PRKCA: variants seen among roughly 807,000 people sequenced by gnomAD.
The protein encoded by PRKCA is protein kinase C alpha, also known as protein kinase C alpha type.
In PRKCA, 27 loss-of-function variants were observed where a neutral mutation model predicts 87.0. The observed-to-expected ratio is 0.31, with a 90% CI of 0.23 to 0.43. The LOEUF is 0.43. PRKCA is among the 20% of genes least tolerant of loss of function. The pLI is 1.00. For synonymous variants in PRKCA, 329 were observed against 311.1 expected, an observed-to-expected ratio of 1.06 and a Z score of -0.61; for missense variants, 518 against 852.3, an observed-to-expected ratio of 0.61 and a Z score of 4.88.
intron 3 of PRKCA, among the ~76,000 whole-genome samples, chr17:66,570,911 C>T (rs1023902828): frequency 1.3e-5 from 2 of 152,100 alleles, no homozygotes; most frequent in African/African-American, 4.8e-5. Flanking sequence ...TCCGTGGGTA[C>T]CTCCTCCTGA....
At chr17:66,479,315 C>T (rs1427050120) in intron 2 of PRKCA, among the ~76,000 whole-genome samples, 6 of 152,150 alleles carry the variant, frequency 3.9e-5, no homozygotes, top group Non-Finnish European at 8.8e-5. Flanking sequence ...TACCATCTCA[C>T]ACCAGTCAGA....
At chr17:66,551,239 C>G (rs1479222281) in intron 3 of PRKCA, among the ~76,000 whole-genome samples, 3 of 152,120 alleles carry the variant, frequency 2.0e-5, no homozygotes, top group Non-Finnish European at 4.4e-5. Context: ...ATTTTTTATA[C>G]TTTTCCGTAG....
intron 2 of PRKCA, among the ~76,000 whole-genome samples, chr17:66,431,234 T>C (rs9912570): frequency 6.6e-6 from 1 of 152,188 alleles, no homozygotes; most frequent in Non-Finnish European, 1.5e-5. Flanking sequence ...TTTGATACTT[T>C]TAGATATTTC....
In PRKCA at chr17:66,735,585, A is replaced by G; in HGVS notation, c.1153A>G (p.Met385Val). The change falls in exon 10 of 17, where the codon ATG becomes GTG. Residue 385 changes from methionine (M) to valine (V), a missense_variant. Transcript: ENST00000413366. Reference sequence around the variant, plus strand: ...TCAGGATGATGACGTGGAGTGCACCATGGTAGAAAAGCGAGTCTTGGCCCT... The same window carrying G: ...TCAGGATGATGACGTGGAGTGCACCGTGGTAGAAAAGCGAGTCTTGGCCCT... ...VIQDDDVECT[M>V]VEKRVLALLD... 1.9e-6 allele frequency: 3 copies of G among 1,614,180 alleles called. No individual in the cohort carries two copies. The highest frequency in any genetic ancestry group is 2.5e-6 in the Non-Finnish European group (3 of 1,180,034).
At chr17:66,756,433 C>T (rs911030987) in intron 13 of PRKCA, among the ~76,000 whole-genome samples, 1 of 152,006 alleles carries the variant, frequency 6.6e-6, no homozygotes. Context: ...ATCGTCGGAC[C>T]GTAGCACACT....
chr17:66,520,169 C>T (rs1967111120), intron 3 of PRKCA, among the ~76,000 whole-genome samples: 1 of 149,644 alleles, frequency 6.7e-6, no homozygotes, highest in Non-Finnish European at 1.5e-5. Flanking sequence ...CTCTGTCACC[C>T]AGGCTGGAGT....
intron 3 of PRKCA, among the ~76,000 whole-genome samples, chr17:66,620,550 A>G (rs1294346696): frequency 6.6e-6 from 1 of 152,226 alleles, no homozygotes; most frequent in Non-Finnish European, 1.5e-5. Flanking sequence ...TTAGCTAAAC[A>G]TGTCATTTCA....
chr17:66,780,026 G>A (rs1598937321), intron 14 of PRKCA, among the ~76,000 whole-genome samples: 1 of 152,348 alleles, frequency 6.6e-6, no homozygotes, highest in East Asian at 1.9e-4. Flanking sequence ...GCCAGGGCCT[G>A]AGAGCGAGTG....
At chr17:66,607,408 G>A (rs1337912304) in intron 3 of PRKCA, among the ~76,000 whole-genome samples, 1 of 152,202 alleles carries the variant, frequency 6.6e-6, no homozygotes, top group African/African-American at 2.4e-5. Context: ...TTGAGGGGAA[G>A]AGACATGGAT....
At chr17:66,370,023 G>A (rs1299823794) in intron 2 of PRKCA, among the ~76,000 whole-genome samples, 4 of 152,140 alleles carry the variant, frequency 2.6e-5, no homozygotes, top group Non-Finnish European at 5.9e-5. Flanking sequence ...AGTGAAGGGA[G>A]GAGAGCCATT....
At chr17:66,590,781 C>T (rs894761246) in intron 3 of PRKCA, among the ~76,000 whole-genome samples, 9 of 151,868 alleles carry the variant, frequency 5.9e-5, no homozygotes, top group Non-Finnish European at 8.8e-5. Context: ...ACCCGGGAGG[C>T]GGAGATTGCA....
intron 3 of PRKCA, among the ~76,000 whole-genome samples, chr17:66,532,111 G>A (rs1967564118): frequency 6.6e-6 from 1 of 151,304 alleles, no homozygotes; most frequent in South Asian, 2.1e-4. Context: ...TTTGCCTTTA[G>A]GGATGGATTT....
At chr17:66,347,705 G>A (rs1235820735) in intron 2 of PRKCA, among the ~76,000 whole-genome samples, 1 of 152,104 alleles carries the variant, frequency 6.6e-6, no homozygotes, top group African/African-American at 2.4e-5. Context: ...TTAGGAAGCC[G>A]TCAAGCTGAC....
intron 1 of PRKCA, 133 bp from the exon 2 acceptor site, chr17:66,305,963 T>C: frequency 2.4e-6 from 2 of 834,418 alleles, no homozygotes; most frequent in Non-Finnish European, 3.9e-6. Context: ...TTTAGGTATG[T>C]TTTTTTCTAT....
At chr17:66,445,647 G>A (rs977468722) in intron 2 of PRKCA, among the ~76,000 whole-genome samples, 3 of 152,172 alleles carry the variant, frequency 2.0e-5, no homozygotes, top group East Asian at 1.9e-4. Context: ...CAGCCCTTAC[G>A]GCCTTGCTGT....
At chr17:66,344,186 T>C (rs1907216994) in intron 2 of PRKCA, among the ~76,000 whole-genome samples, 1 of 152,206 alleles carries the variant, frequency 6.6e-6, no homozygotes. Context: ...TTCGGCATTT[T>C]AGAAGGGAGT....
chr17:66,532,387 A>G (rs1161265829), intron 3 of PRKCA, among the ~76,000 whole-genome samples: 1 of 133,758 alleles, frequency 7.5e-6, no homozygotes, highest in Non-Finnish European at 1.6e-5. Context: ...TTTTTTTGAG[A>G]CAGAGTCTTG....
At chr17:66,719,542 G>A (rs1036169052) in intron 8 of PRKCA, among the ~76,000 whole-genome samples, 43 of 152,206 alleles carry the variant, frequency 2.8e-4, no homozygotes, top group Admixed American at 2.0e-3. Context: ...CGAGGTGGGT[G>A]GATCACTTGA....
intron 2 of PRKCA, among the ~76,000 whole-genome samples, chr17:66,482,231 T>G (rs1019234474): frequency 6.6e-6 from 1 of 152,196 alleles, no homozygotes; most frequent in East Asian, 1.9e-4. Context: ...TCAACTGGCT[T>G]GTTTAATAAA....
Sources: gnomAD v4.1 joint callset for allele counts (sites outside exome capture counted in the v4.1 genomes callset) on GRCh38, gnomAD v4.1.1 for gene constraint, MANE v1.5 for transcripts, NCBI Gene and HGNC (gene_info 2026-07-23, HGNC 2026-07-21) for gene names.